The following HDAC4 variants were observed in gnomAD, a reference collection of about 807,000 sequenced individuals.
The protein encoded by HDAC4 is histone deacetylase 4.
HDAC4 carries 16 observed loss-of-function variants against 135.1 expected under a neutral mutation model. That is an observed-to-expected ratio of 0.12 (90% CI 0.08 to 0.18). The LOEUF (loss-of-function observed/expected upper bound fraction) is 0.18, where lower values mean the gene tolerates loss of function less well. Ranked by LOEUF, HDAC4 falls within the 10% of genes least tolerant of loss-of-function variation. The probability of loss-of-function intolerance (pLI) is 1.00; values close to 1 mark genes in which losing one functional copy is unlikely to be tolerated. For missense variants in HDAC4, 1,143 were observed against 1,511.8 expected (o/e 0.76, Z 4.05); for synonymous variants, 685 against 653.4 (o/e 1.05, Z -0.74).
chr2:239,053,679 G>C (rs2031266975), intron 25 of HDAC4, 78 bp from the exon 26 acceptor site: 1 of 1,297,780 alleles, frequency 7.7e-7, no homozygotes, highest in Admixed American at 1.8e-5. Flanking sequence ...AGGTCCTGCG[G>C]GACCCTGAGC....
chr2:239,280,864 T>TCCAC (rs2050675122), intron 2 of HDAC4, among the ~76,000 whole-genome samples: 1 of 147,274 alleles, frequency 6.8e-6, no homozygotes, highest in Non-Finnish European at 1.5e-5. Context: ...TACACACCTC[T>TCCAC]ACAATGTACA....
chr2:239,204,912 A>G (rs1438873438), intron 3 of HDAC4, among the ~76,000 whole-genome samples: 1 of 152,112 alleles, frequency 6.6e-6, no homozygotes, highest in Non-Finnish European at 1.5e-5. Context: ...AACCCCTGCT[A>G]CCTGGGTCAA....
chr2:239,301,471 CTTTTTT>C (rs764763791), intron 2 of HDAC4, among the ~76,000 whole-genome samples: 1 of 133,686 alleles, frequency 7.5e-6, no homozygotes, highest in Admixed American at 7.1e-5. Context: ...TGCTTTCTTT[CTTTTTT>C]TTTTTTTTTA....
At chr2:239,255,633 T>G (rs1361830295) in intron 2 of HDAC4, among the ~76,000 whole-genome samples, 1 of 152,214 alleles carries the variant, frequency 6.6e-6, no homozygotes, top group Non-Finnish European at 1.5e-5. Flanking sequence ...AGCCTTGGCT[T>G]CTTCTCATTA....
intron 8 of HDAC4, among the ~76,000 whole-genome samples, chr2:239,142,038 G>A (rs184044623): frequency 5.8e-4 from 89 of 152,230 alleles, no homozygotes; most frequent in Non-Finnish European, 1.0e-3. Flanking sequence ...TGAGGAAGGC[G>A]CAGAACATGG....
chr2:239,217,248 G>C (rs1434668085), intron 3 of HDAC4, among the ~76,000 whole-genome samples: 2 of 152,108 alleles, frequency 1.3e-5, no homozygotes, highest in Admixed American at 6.6e-5. Flanking sequence ...AAAGCAAGAG[G>C]CCCGTCGACT....
At chr2:239,189,228 A>G (rs1018526605) in intron 4 of HDAC4, among the ~76,000 whole-genome samples, 4 of 152,244 alleles carry the variant, frequency 2.6e-5, no homozygotes, top group African/African-American at 9.6e-5. Context: ...TATTATAATC[A>G]CAGATATCAT....
At chr2:239,388,813 C>CCCTGCTGAGCTGCCATTACTTCTAT (rs1696004832) in intron 1 of HDAC4, among the ~76,000 whole-genome samples, 1 of 152,220 alleles carries the variant, frequency 6.6e-6, no homozygotes, top group Admixed American at 6.5e-5. Flanking sequence ...GGAGGGATCT[C>CCCTGCTGAGCTGCCATTACTTCTAT]CCTGCTGAGC....
chr2:239,280,907 A>G (rs2050680475), intron 2 of HDAC4, among the ~76,000 whole-genome samples: 2 of 147,972 alleles, frequency 1.4e-5, no homozygotes, highest in African/African-American at 5.1e-5. Context: ...ACACCACTCT[A>G]CAATGTACAC....
intron 1 of HDAC4, among the ~76,000 whole-genome samples, chr2:239,361,165 G>A (rs1157383289): frequency 6.6e-6 from 1 of 152,168 alleles, no homozygotes; most frequent in African/African-American, 2.4e-5. Context: ...GCCCCTGGCT[G>A]GAATGTGACC....
At chr2:239,353,505 G>A (rs1261623142) in intron 1 of HDAC4, among the ~76,000 whole-genome samples, 3 of 152,140 alleles carry the variant, frequency 2.0e-5, no homozygotes. Context: ...GGGGTGTAGG[G>A]CTGCCATACA....
intron 6 of HDAC4, chr2:239,162,310 C>T (rs903227912): frequency 6.6e-5 from 30 of 456,530 alleles, no homozygotes; most frequent in African/African-American, 4.0e-4. Context: ...CACTCCAGCT[C>T]TCCATCCTCC....
At chr2:239,356,823 A>G (rs1042869046) in intron 1 of HDAC4, among the ~76,000 whole-genome samples, 2 of 152,220 alleles carry the variant, frequency 1.3e-5, no homozygotes, top group Non-Finnish European at 2.9e-5. Flanking sequence ...TTCAACAATC[A>G]TGAGTCTATA....
Position 239,313,305 on chromosome 2 carries a change from C to T in HDAC4, c.22+39373G>A, listed in dbSNP as rs1287376006. On this transcript the variant is annotated intron_variant, in intron 2 of 26. Transcript: ENST00000543185. This position sits in a 1 kb window ranked among gnomAD's most constrained non-coding sequence, Gnocchi z 5.1. Reference sequence around the variant, plus strand: ...TAACAAAATGCGCTGATGTAAATGTCCCTGCAGCAGCCAGGGACTAATTTT... The same window carrying T: ...TAACAAAATGCGCTGATGTAAATGTTCCTGCAGCAGCCAGGGACTAATTTT... 6.6e-6 allele frequency among the ~76,000 whole-genome samples: 1 copy of T among 152,162 alleles called. No homozygotes were observed. The highest frequency in any genetic ancestry group is 1.5e-5 in the Non-Finnish European group (1 of 68,032).
chr2:239,056,514 G>T (rs60471431), intron 24 of HDAC4, among the ~76,000 whole-genome samples: 4,692 of 152,320 alleles, frequency 0.031, 115 homozygotes, highest in East Asian at 0.097. Context: ...AATCAACACC[G>T]TGGTATTGAA....
At chr2:239,217,316 A>T (rs2046698337) in intron 3 of HDAC4, among the ~76,000 whole-genome samples, 2 of 152,144 alleles carry the variant, frequency 1.3e-5, no homozygotes, top group South Asian at 4.1e-4. Flanking sequence ...TCCAAAACCT[A>T]GTGGTTAACC....
At chr2:239,066,623 C>T (rs993260863) in intron 24 of HDAC4, 99 bp downstream of exon 24, 4 of 1,538,464 alleles carry the variant, frequency 2.6e-6, no homozygotes, top group Non-Finnish European at 3.6e-6. Flanking sequence ...GGTCAGAGAC[C>T]CACTGGCTTT....
rs2041797962 is a variant in HDAC4 at position 239,146,815 on chromosome 2, T to TCACAGCCCCACTGCCCC, written c.734-2102_734-2101insGGGGCAGTGGGGCTGTG. ...TGCCCCCATCACAGCCCCACTGCCCTGTCTTCCTCACAGCAGCCTTCTCAC... is the reference window on the plus strand; with the variant it reads ...TGCCCCCATCACAGCCCCACTGCCCTCACAGCCCCACTGCCCCGTCTTCCTCACAGCAGCCTTCTCAC... On this transcript the variant is annotated intron_variant, in intron 7 of 26. Coordinates refer to ENST00000543185, the MANE Select transcript of HDAC4 (RefSeq NM_001378414.1). This position sits in a 1 kb window ranked among gnomAD's most constrained non-coding sequence, Gnocchi z 4.5. Among the ~76,000 whole-genome samples, 1 of 139,520 alleles carries TCACAGCCCCACTGCCCC rather than the reference T, an allele frequency of 7.2e-6. No homozygotes were observed. Among genetic ancestry groups the TCACAGCCCCACTGCCCC allele is most frequent in the African/African-American group, 2.7e-5 (1 of 36,988 alleles). 91.5% of individuals were successfully genotyped at this position (139,520 alleles called of 152,430 possible).
At chr2:239,138,065 G>A (rs1483438696) in intron 9 of HDAC4, among the ~76,000 whole-genome samples, 1 of 152,180 alleles carries the variant, frequency 6.6e-6, no homozygotes, top group Non-Finnish European at 1.5e-5. Flanking sequence ...TCAACAAGAT[G>A]CAACCAGTGT....
Sources: allele counts gnomAD v4.1 joint callset (sites outside exome capture counted in the v4.1 genomes callset), GRCh38; gene constraint gnomAD v4.1.1; non-coding constraint Gnocchi (gnomAD v3.1); transcripts MANE v1.5; gene names NCBI Gene and HGNC (gene_info 2026-07-23, HGNC 2026-07-21).